The following PDCD6IP variants were observed in gnomAD, a reference collection of about 807,000 sequenced individuals.
PDCD6IP encodes programmed cell death 6-interacting protein.
Under a neutral mutation model 103.7 loss-of-function variants are expected in PDCD6IP, and 43 were observed. The observed-to-expected ratio is 0.41, with a 90% CI of 0.32 to 0.53. The LOEUF (loss-of-function observed/expected upper bound fraction) is 0.53. PDCD6IP is among the 20% of genes least tolerant of loss of function. The pLI, the probability that PDCD6IP is intolerant of heterozygous loss-of-function variation, is 0.16. For synonymous variants in PDCD6IP, 354 were observed against 378.7 expected (o/e 0.93, Z 0.76); for missense variants, 871 against 1,036.7 (o/e 0.84, Z 2.20).
At chr3:33,810,190 T>C (rs1444548463) in intron 1 of PDCD6IP, among the ~76,000 whole-genome samples, 1 of 152,226 alleles carries the variant, frequency 6.6e-6, no homozygotes, top group African/African-American at 2.4e-5. Context: ...AATGGTAATT[T>C]TTCTAATTTC....
At chr3:33,816,883 G>A (rs1442558233) in intron 3 of PDCD6IP, among the ~76,000 whole-genome samples, 2 of 152,138 alleles carry the variant, frequency 1.3e-5, no homozygotes, top group East Asian at 3.9e-4. Context: ...AGGAGAACTA[G>A]GAGACACTTG....
intron 1 of PDCD6IP, among the ~76,000 whole-genome samples, chr3:33,809,116 A>G (rs1696661448): frequency 6.6e-6 from 1 of 152,096 alleles, no homozygotes; most frequent in Non-Finnish European, 1.5e-5. Flanking sequence ...ACCTCTCCTC[A>G]TATATTCACT....
chr3:33,808,571 G>C (rs151179948), intron 1 of PDCD6IP, among the ~76,000 whole-genome samples: 1 of 152,086 alleles, frequency 6.6e-6, no homozygotes, highest in Non-Finnish European at 1.5e-5. Context: ...GAGCCACAGC[G>C]CCTGGCCTAG....
intron 9 of PDCD6IP, among the ~76,000 whole-genome samples, chr3:33,838,548 A>C (rs1028614027): frequency 7.3e-5 from 11 of 150,300 alleles, no homozygotes; most frequent in Non-Finnish European, 1.5e-4. Flanking sequence ...TGAGGACTAA[A>C]AATTTGTATT....
chr3:33,861,866 G>A (rs188284153), intron 15 of PDCD6IP, among the ~76,000 whole-genome samples: 1 of 152,244 alleles, frequency 6.6e-6, no homozygotes, highest in East Asian at 1.9e-4. Context: ...AGTTTAAAGC[G>A]TTTAAGAAGA....
At chr3:33,855,067 C>CAG in intron 14 of PDCD6IP, 99 bp from the exon 15 acceptor site, 1 of 683,940 alleles carries the variant, frequency 1.5e-6, no homozygotes, top group Non-Finnish European at 2.6e-6. Context: ...CTCAGTTCTT[C>CAG]GGCTCTAACT....
chr3:33,850,428 T>C (rs911976607), intron 12 of PDCD6IP, among the ~76,000 whole-genome samples: 2 of 152,130 alleles, frequency 1.3e-5, no homozygotes, highest in African/African-American at 4.8e-5. Context: ...TCATTCCTTT[T>C]CCCTCTACTT....
chr3:33,814,707 G>T (rs1179310771), intron 3 of PDCD6IP, among the ~76,000 whole-genome samples: 1 of 144,450 alleles, frequency 6.9e-6, no homozygotes, highest in Non-Finnish European at 1.5e-5. Flanking sequence ...ATATATGTAT[G>T]TATATATGTA....
chr3:33,826,598 TAA>T lies in PDCD6IP; in HGVS notation c.717+20_717+21del, dbSNP rs756256239. ...TCCCCAAGGTCAGTTATTGTTTTTA[TAA>T]ACACTTGCTTACTTTGCATGTGAAA... On this transcript the variant is annotated intron_variant, in intron 6 of 17. Coordinates refer to ENST00000307296, the MANE Select transcript of PDCD6IP (RefSeq NM_013374.6). The T allele has an allele frequency of 2.3e-4, 378 of 1,610,450 alleles. 1 individual carries two copies. The highest frequency in any genetic ancestry group is 3.1e-4 in the Non-Finnish European group (365 of 1,177,236).
chr3:33,841,910 C>G lies in PDCD6IP; in HGVS notation c.1195C>G (p.Leu399Val). 1 of 1,572,672 alleles carries G rather than the reference C, an allele frequency of 6.4e-7. No individual in the cohort carries two copies. The highest frequency in any genetic ancestry group is 8.7e-7 in the Non-Finnish European group (1 of 1,153,032). Reference sequence around the variant, plus strand: ...TCATTTTTTCAGGGTGCTAGCTTCCCTTAATCTTCCAGCAGCAATTGAAGA... The same window carrying G: ...TCATTTTTTCAGGGTGCTAGCTTCCGTTAATCTTCCAGCAGCAATTGAAGA... ...TTLANGVLAS[L>V]NLPAAIEDVS... is the part of the protein sequence containing the mutation. Residue 399 changes from leucine to valine, a missense_variant, in exon 10 of 18, where the codon CTT (leucine) becomes GTT (valine). Coordinates refer to ENST00000307296, the MANE Select transcript of PDCD6IP (RefSeq NM_013374.6).
intron 15 of PDCD6IP, among the ~76,000 whole-genome samples, chr3:33,859,281 G>A (rs183663731): frequency 4.6e-4 from 70 of 152,112 alleles, no homozygotes; most frequent in Middle Eastern, 6.8e-3. Flanking sequence ...AAATAGAATG[G>A]AGGAGAATTC....
intron 1 of PDCD6IP, among the ~76,000 whole-genome samples, chr3:33,803,816 C>T (rs1358580896): frequency 6.6e-6 from 1 of 151,884 alleles, no homozygotes; most frequent in African/African-American, 2.4e-5. Flanking sequence ...GTTCTTTGTT[C>T]CTTTTTTCTA....
At chr3:33,809,738 T>C (rs186037024) in intron 1 of PDCD6IP, among the ~76,000 whole-genome samples, 1 of 152,374 alleles carries the variant, frequency 6.6e-6, no homozygotes, top group African/African-American at 2.4e-5. Flanking sequence ...CATTTAATTG[T>C]TACGTCTCTT....
At chr3:33,856,368 C>T (rs528421038) in intron 15 of PDCD6IP, among the ~76,000 whole-genome samples, 8 of 152,128 alleles carry the variant, frequency 5.3e-5, no homozygotes, top group African/African-American at 9.6e-5. Context: ...AGAATAAAAC[C>T]GTGACATGGG....
chr3:33,826,512 G>C lies in PDCD6IP; in HGVS notation c.649G>C (p.Ala217Pro). 6.2e-7 allele frequency: 1 copy of C among 1,611,254 alleles called. No homozygotes were observed. The highest frequency in any genetic ancestry group is 8.5e-7 in the Non-Finnish European group (1 of 1,178,540). Residue 217 changes from alanine (A) to proline (P), a missense_variant, in exon 6 of 18, where the codon GCT (alanine) becomes CCT (proline). By Grantham distance (27) the Ala-to-Pro change is conservative (BLOSUM62 -1). Coordinates refer to ENST00000307296, the MANE Select transcript of PDCD6IP (RefSeq NM_013374.6). ...GAAAGATGCCATCATAGCTAAATTG[G>C]CTAATCAGGCTGCAGATTATTTTGG... is the stretch of plus-strand genomic sequence containing the variant. ...KMKDAIIAKL[A>P]NQAADYFGDA...
At chr3:33,812,863 C>T (rs572520998) in intron 2 of PDCD6IP, among the ~76,000 whole-genome samples, 1 of 152,184 alleles carries the variant, frequency 6.6e-6, no homozygotes, top group South Asian at 2.1e-4. Flanking sequence ...GGAGTTCATT[C>T]TCTTTATTCT....
At chr3:33,813,028 A>G (rs1696752935) in intron 2 of PDCD6IP, among the ~76,000 whole-genome samples, 3 of 152,182 alleles carry the variant, frequency 2.0e-5, no homozygotes, top group Admixed American at 2.0e-4. Flanking sequence ...TTTTTTAATA[A>G]ACATTTAATT....
At chr3:33,844,690 T>TG (rs1697553562) in intron 11 of PDCD6IP, among the ~76,000 whole-genome samples, 3 of 152,232 alleles carry the variant, frequency 2.0e-5, no homozygotes, top group Admixed American at 2.0e-4. Context: ...CATGTTGCCC[T>TG]GGCTTGTCTT....
In PDCD6IP at chr3:33,864,035, C is replaced by T. The variant is rs1559800576; in HGVS notation, c.2150C>T (p.Pro717Leu). 6.2e-7 allele frequency: 1 copy of T among 1,613,810 alleles called. No homozygotes were observed. Among genetic ancestry groups the T allele is most frequent in the Admixed American group, 1.7e-5 (1 of 59,988 alleles). ...KDLQQSIARE[P>L]SAPSIPTPAY... ...TTGCAACAAAGCATTGCCAGAGAACCTAGTGCTCCTTCAATTCCTACACCT... is the reference window on the plus strand; with the variant it reads ...TTGCAACAAAGCATTGCCAGAGAACTTAGTGCTCCTTCAATTCCTACACCT... The change falls in exon 16 of 18, where the codon CCT (proline) becomes CTT (leucine). Residue 717 changes from proline to leucine, a missense_variant. Around this residue, in one of 5 missense-constraint regions of PDCD6IP, gnomAD observed 202 missense variants for 205.2 expected, o/e 0.98. Transcript: ENST00000307296.
Sources: allele counts gnomAD v4.1 joint callset (sites outside exome capture counted in the v4.1 genomes callset), GRCh38; gene constraint gnomAD v4.1.1; regional missense constraint gnomAD v4.1.1; transcripts MANE v1.5; gene names NCBI Gene and HGNC (gene_info 2026-07-23, HGNC 2026-07-21).